MDGA2: variants seen among roughly 807,000 people sequenced by gnomAD.
MDGA2 encodes MAM domain-containing glycosylphosphatidylinositol anchor protein 2.
MDGA2 carries 40 observed loss-of-function variants against 117.8 expected under a neutral mutation model. The observed-to-expected ratio is 0.34, with a 90% CI of 0.26 to 0.44. The LOEUF (loss-of-function observed/expected upper bound fraction) is 0.44, where lower values mean the gene tolerates loss of function less well. MDGA2 is among the 20% of genes least tolerant of loss of function. The probability of loss-of-function intolerance (pLI) is 1.00; values close to 1 mark genes in which losing one functional copy is unlikely to be tolerated. For missense variants in MDGA2, 1,123 were observed against 1,250.6 expected (o/e 0.90, Z 1.54); for synonymous variants, 452 against 439.0 (o/e 1.03, Z -0.37).
At chr14:47,609,000 A>C (rs974119748) in intron 1 of MDGA2, among the ~76,000 whole-genome samples, 4 of 152,042 alleles carry the variant, frequency 2.6e-5, no homozygotes, top group African/African-American at 9.7e-5. Flanking sequence ...AAAAAAACAA[A>C]AGTCTAGAAG....
intron 1 of MDGA2, among the ~76,000 whole-genome samples, chr14:47,394,707 A>G (rs961363872): frequency 1.3e-5 from 2 of 152,184 alleles, no homozygotes; most frequent in Admixed American, 1.3e-4. Context: ...AACTATTAAA[A>G]TGTGTGGATT....
intron 1 of MDGA2, among the ~76,000 whole-genome samples, chr14:47,674,215 A>G (rs1594976317): frequency 6.6e-6 from 1 of 152,270 alleles, no homozygotes; most frequent in East Asian, 1.9e-4. Flanking sequence ...TTATTAAATC[A>G]AAGACTGCTG....
At chr14:47,602,520 T>C (rs761163544) in intron 1 of MDGA2, among the ~76,000 whole-genome samples, 3 of 152,192 alleles carry the variant, frequency 2.0e-5, no homozygotes, top group Non-Finnish European at 2.9e-5. Flanking sequence ...AGACCACCTA[T>C]GTTCCTTCTC....
Position 46,840,169 on chromosome 14 carries a change from C to T in MDGA2, c.*1762G>A, listed in dbSNP as rs1880549349. The T allele has an allele frequency of 1.3e-5, 2 of 152,548 alleles. No individual in the cohort carries two copies. The highest frequency in any genetic ancestry group is 2.4e-5 in the African/African-American group (1 of 41,538). The allele number at this position is 152,548 out of a possible 1,614,324, so 9.4% of individuals were successfully genotyped here. Reference sequence around the variant, plus strand: ...AGTTGAATTACTGAATTTGCACAAACATTTCTACAGAATTGTTTTAAAAAA... The same window carrying T: ...AGTTGAATTACTGAATTTGCACAAATATTTCTACAGAATTGTTTTAAAAAA... On this transcript the variant is annotated 3_prime_UTR_variant, in exon 17 of 17. Coordinates refer to ENST00000399232, the MANE Select transcript of MDGA2 (RefSeq NM_001113498.3).
intron 1 of MDGA2, among the ~76,000 whole-genome samples, chr14:47,303,194 T>C (rs373535988): frequency 1.3e-4 from 20 of 152,306 alleles, no homozygotes; most frequent in African/African-American, 4.6e-4. Context: ...ATAGCTGCAA[T>C]GACAGAGCTA....
intron 1 of MDGA2, among the ~76,000 whole-genome samples, chr14:47,527,468 G>C (rs1238137769): frequency 6.6e-6 from 1 of 152,120 alleles, no homozygotes; most frequent in Non-Finnish European, 1.5e-5. Context: ...TAGAGGTTGT[G>C]TTAAAAATAC....
chr14:47,025,747 G>T (rs1594540175), intron 8 of MDGA2, among the ~76,000 whole-genome samples: 1 of 151,812 alleles, frequency 6.6e-6, no homozygotes, highest in Non-Finnish European at 1.5e-5. Context: ...CAAGAAAACT[G>T]TGTTGGAAGA....
intron 9 of MDGA2, among the ~76,000 whole-genome samples, chr14:46,943,154 G>A (rs529008443): frequency 2.6e-5 from 4 of 151,748 alleles, no homozygotes; most frequent in Non-Finnish European, 4.4e-5. Context: ...TTTAACTCTC[G>A]TAATTACTCT....
At chr14:47,594,871 T>C (rs981528414) in intron 1 of MDGA2, among the ~76,000 whole-genome samples, 2 of 152,178 alleles carry the variant, frequency 1.3e-5, no homozygotes, top group Admixed American at 1.3e-4. Flanking sequence ...GCACAATGGG[T>C]AAGAAAGACT....
Position 46,957,483 on chromosome 14 carries a change from C to G in MDGA2, c.1980G>C (p.Gln660His), listed in dbSNP as rs76888297. The G allele has an allele frequency of 8.1e-4, 1,302 of 1,614,084 alleles. 21 individuals are homozygous for G. The East Asian group carries it at 0.026, about 32-fold the overall frequency. Residue 660 changes from glutamine to histidine, a missense_variant, in exon 9 of 17, where the codon CAG (glutamine) becomes CAC (histidine). Around this residue, in one of 2 missense-constraint regions of MDGA2, gnomAD observed 890 missense variants for 1,050.3 expected, o/e 0.85. Coordinates refer to ENST00000399232, the MANE Select transcript of MDGA2 (RefSeq NM_001113498.3). ...TCTTCACAGCGTACTCTGTGTATTC[C>G]TGAGAGTCAAATTGACCCGTCCGTA... ...KLLRTGQFDS[Q>H]EYTEYAVKSL...
intron 2 of MDGA2, among the ~76,000 whole-genome samples, chr14:47,270,413 T>C (rs1888107032): frequency 6.6e-6 from 1 of 152,186 alleles, no homozygotes; most frequent in South Asian, 2.1e-4. Context: ...ATGTGGGTAA[T>C]ATTTGTATAT....
chr14:47,217,487 C>T (rs772078140), intron 3 of MDGA2, among the ~76,000 whole-genome samples: 1 of 151,786 alleles, frequency 6.6e-6, no homozygotes, highest in African/African-American at 2.4e-5. Flanking sequence ...ACAGCATTGT[C>T]CAGGGTTGGT....
At chr14:46,923,108 A>C (rs540940927) in intron 9 of MDGA2, among the ~76,000 whole-genome samples, 54 of 152,324 alleles carry the variant, frequency 3.5e-4, no homozygotes, top group African/African-American at 1.2e-3. Context: ...CTTGTGAGTA[A>C]TATGAATTTG....
Position 47,631,970 on chromosome 14 carries a change from GTGTATTTTA to G in MDGA2, c.280+42538_280+42546del, listed in dbSNP as rs1156901808. ...AGCTCATCCGCTATTGTTAGTGTTA[GTGTATTTTA>G]TGTATGACCCAAGATGAAGGTTCTT... is the stretch of plus-strand genomic sequence containing the variant. On this transcript the variant is annotated intron_variant, in intron 1 of 16. Coordinates refer to ENST00000399232, the MANE Select transcript of MDGA2 (RefSeq NM_001113498.3). Among the ~76,000 whole-genome samples, 13 of 150,510 alleles carry G rather than the reference GTGTATTTTA, an allele frequency of 8.6e-5. No homozygotes were observed. In the East Asian group the frequency reaches 2.3e-3, roughly 27 times the overall value.
At chr14:47,403,392 CCT>C (rs1218097432) in intron 1 of MDGA2, among the ~76,000 whole-genome samples, 1 of 152,082 alleles carries the variant, frequency 6.6e-6, no homozygotes. Context: ...TGTAAACTCC[CCT>C]TTTATGCTGT....
intron 1 of MDGA2, among the ~76,000 whole-genome samples, chr14:47,324,519 AG>A (rs1351759349): frequency 6.6e-6 from 1 of 152,170 alleles, no homozygotes; most frequent in Non-Finnish European, 1.5e-5. Context: ...GTATCTTTCT[AG>A]TCGCAGAACC....
chr14:47,647,901 G>A (rs935331529), intron 1 of MDGA2, among the ~76,000 whole-genome samples: 23 of 151,860 alleles, frequency 1.5e-4, no homozygotes, highest in African/African-American at 4.8e-4. Flanking sequence ...TTAAGGTGAC[G>A]GCTATCCCAA....
rs1880938356 is a variant in MDGA2, at chr14:47,109,856, T to C, written c.926-12733A>G. On this transcript the variant is annotated intron_variant, in intron 5 of 16. Coordinates refer to ENST00000399232, the MANE Select transcript of MDGA2 (RefSeq NM_001113498.3). ...AGCTACTTGGGAGGCTGAGGCAAGA[T>C]AATTGTTAGGATCCGGGAGATAGAG... Among the ~76,000 whole-genome samples the C allele has an allele frequency of 6.6e-5, 10 of 151,992 alleles. No individual in the cohort carries two copies. In the South Asian group the frequency reaches 2.1e-3, roughly 31 times the overall value.
At chr14:47,227,120 A>G (rs1886532245) in intron 2 of MDGA2, among the ~76,000 whole-genome samples, 1 of 152,082 alleles carries the variant, frequency 6.6e-6, no homozygotes, top group African/African-American at 2.4e-5. Context: ...GTAGGAGATA[A>G]TAGGTGTTCT....
Sources: allele counts gnomAD v4.1 joint callset (sites outside exome capture counted in the v4.1 genomes callset), GRCh38; gene constraint gnomAD v4.1.1; regional missense constraint gnomAD v4.1.1; transcripts MANE v1.5; gene names NCBI Gene and HGNC (gene_info 2026-07-23, HGNC 2026-07-21).